GRM5: variants seen among roughly 807,000 people sequenced by gnomAD.
The protein encoded by GRM5 is metabotropic glutamate receptor 5.
A neutral mutation model predicts 83.1 loss-of-function variants in GRM5; 19 were observed. That is an observed-to-expected ratio of 0.23 (90% CI 0.16 to 0.34). The LOEUF is 0.34. Ranked by LOEUF, GRM5 falls within the 10% of genes least tolerant of loss-of-function variation. The probability of loss-of-function intolerance (pLI) is 1.00; values close to 1 mark genes in which losing one functional copy is unlikely to be tolerated. For synonymous variants in GRM5, 675 were observed against 633.6 expected (o/e 1.07, Z -0.98); for missense variants, 1,160 against 1,588.3 (o/e 0.73, Z 4.58).
intron 3 of GRM5, among the ~76,000 whole-genome samples, chr11:88,785,271 T>C (rs115631371): frequency 0.018 from 2,789 of 152,172 alleles, 81 homozygotes; most frequent in African/African-American, 0.062. Flanking sequence ...GAGAACTAAT[T>C]ACATACTTTG....
At chr11:89,060,659 A>G (rs1332532960) in intron 1 of GRM5, among the ~76,000 whole-genome samples, 2 of 152,132 alleles carry the variant, frequency 1.3e-5, no homozygotes, top group Non-Finnish European at 1.5e-5. Flanking sequence ...AAAGTTATAT[A>G]TAGTTAAAAG....
chr11:88,998,247 C>G (rs2135063402), intron 2 of GRM5, among the ~76,000 whole-genome samples: 1 of 152,168 alleles, frequency 6.6e-6, no homozygotes, highest in Non-Finnish European at 1.5e-5. Flanking sequence ...TACACCATGA[C>G]CAAGTGGTGT....
intron 3 of GRM5, among the ~76,000 whole-genome samples, chr11:88,654,462 C>A (rs1262806945): frequency 6.6e-6 from 1 of 151,984 alleles, no homozygotes; most frequent in Non-Finnish European, 1.5e-5. Flanking sequence ...CTGTCTTTCC[C>A]TGGAAGAAGT....
intron 2 of GRM5, among the ~76,000 whole-genome samples, chr11:89,031,081 T>G (rs1565343172): frequency 6.6e-6 from 1 of 151,984 alleles, no homozygotes; most frequent in African/African-American, 2.4e-5. Flanking sequence ...TCTGGATATA[T>G]GGACACATTA....
chr11:88,927,755 T>A (rs1945814706), intron 2 of GRM5, among the ~76,000 whole-genome samples: 1 of 152,124 alleles, frequency 6.6e-6, no homozygotes, highest in Admixed American at 6.6e-5. Flanking sequence ...TTCTATTTTC[T>A]CTTGTTTGTG....
Position 88,815,817 on chromosome 11 carries a change from C to A in GRM5, c.911+34089G>T, listed in dbSNP as rs139176157. ...CCACATACCTGTCATTAGGCCCCACCTCCAACATTGAAATCAAATTTCAAC... is the reference window on the plus strand; with the variant it reads ...CCACATACCTGTCATTAGGCCCCACATCCAACATTGAAATCAAATTTCAAC... On this transcript the variant is annotated intron_variant, in intron 3 of 9. Coordinates refer to ENST00000305447, the MANE Select transcript of GRM5 (RefSeq NM_001143831.3). Among the ~76,000 whole-genome samples, 296 of 152,302 alleles carry A rather than the reference C, an allele frequency of 1.9e-3. 3 individuals are homozygous for A. The highest frequency in any genetic ancestry group is 6.8e-3 in the Middle Eastern group (2 of 294).
rs116778099 is a variant in GRM5, at chr11:88,887,788, C to T, written c.662-37633G>A. On this transcript the variant is annotated intron_variant, in intron 2 of 9. Transcript: ENST00000305447. ...TCTGAAGCACAGGGACTCCTCTTAA[C>T]CAGAGACTTTAAAGAAAAAGCAGCT... Among the ~76,000 whole-genome samples, 510 of 152,238 alleles carry T rather than the reference C, an allele frequency of 3.4e-3. 1 individual carries two copies. Among genetic ancestry groups the T allele is most frequent in the African/African-American group, 0.012 (494 of 41,542 alleles).
intron 2 of GRM5, among the ~76,000 whole-genome samples, chr11:89,035,012 TA>T (rs1941352594): frequency 6.6e-6 from 1 of 151,582 alleles, no homozygotes; most frequent in Non-Finnish European, 1.5e-5. Flanking sequence ...TATAGTTATT[TA>T]CATGTTTTTG....
chr11:88,816,897 A>AT (rs1943701288), intron 3 of GRM5, among the ~76,000 whole-genome samples: 5 of 152,150 alleles, frequency 3.3e-5, no homozygotes, highest in African/African-American at 1.2e-4. Flanking sequence ...TAAATAAAAT[A>AT]GAAAAGTTCC....
At chr11:89,025,285 A>C (rs1941102468) in intron 2 of GRM5, among the ~76,000 whole-genome samples, 1 of 152,220 alleles carries the variant, frequency 6.6e-6, no homozygotes, top group South Asian at 2.1e-4. Context: ...ATAAATTGTA[A>C]GCTCAGTGGC....
intron 3 of GRM5, among the ~76,000 whole-genome samples, chr11:88,831,015 C>T (rs891614784): frequency 6.6e-6 from 1 of 151,852 alleles, no homozygotes; most frequent in Admixed American, 6.6e-5. Context: ...TCAATTACCC[C>T]CCACCGAGGC....
intron 3 of GRM5, among the ~76,000 whole-genome samples, chr11:88,775,227 T>C (rs1942822045): frequency 6.6e-6 from 1 of 152,196 alleles, no homozygotes; most frequent in African/African-American, 2.4e-5. Flanking sequence ...TTTATTTGCA[T>C]AGAGGGGTTT....
intron 4 of GRM5, among the ~76,000 whole-genome samples, chr11:88,638,416 TTTTG>T (rs138412342): frequency 0.12 from 18,932 of 151,936 alleles, 1,514 homozygotes; most frequent in Middle Eastern, 0.18. Flanking sequence ...GGTATAATTG[TTTTG>T]TTTGTTTGTT....
chr11:88,539,912 A>T (rs1218701990), intron 8 of GRM5, among the ~76,000 whole-genome samples: 3 of 152,240 alleles, frequency 2.0e-5, no homozygotes, highest in Admixed American at 6.5e-5. Flanking sequence ...TTAACAAATT[A>T]TAATTAAATA....
chr11:88,942,508 G>C (rs1938147633), intron 2 of GRM5, among the ~76,000 whole-genome samples: 1 of 152,006 alleles, frequency 6.6e-6, no homozygotes, highest in Non-Finnish European at 1.5e-5. Context: ...AGTGGGGACT[G>C]GCTTCCTGCT....
At chr11:88,647,601 T>C (rs1015153164) in intron 4 of GRM5, among the ~76,000 whole-genome samples, 4 of 152,086 alleles carry the variant, frequency 2.6e-5, no homozygotes, top group Non-Finnish European at 5.9e-5. Context: ...GGGCAAGGAC[T>C]TCATGTCCAA....
At chr11:88,999,743 T>C (rs1037759614) in intron 2 of GRM5, among the ~76,000 whole-genome samples, 3 of 152,184 alleles carry the variant, frequency 2.0e-5, no homozygotes, top group African/African-American at 4.8e-5. Flanking sequence ...ACTGGGTATA[T>C]ACCCGAAGGA....
intron 2 of GRM5, among the ~76,000 whole-genome samples, chr11:89,008,169 A>G (rs1465260783): frequency 6.6e-6 from 1 of 152,174 alleles, no homozygotes; most frequent in African/African-American, 2.4e-5. Flanking sequence ...CTTTGGACCA[A>G]AATTTCTTCT....
intron 3 of GRM5, among the ~76,000 whole-genome samples, chr11:88,844,747 G>A (rs1217299922): frequency 6.6e-6 from 1 of 152,164 alleles, no homozygotes; most frequent in African/African-American, 2.4e-5. Flanking sequence ...TGGAAGAAGT[G>A]ATTCCAACCC....
Sources: gnomAD v4.1 joint callset for allele counts (sites outside exome capture counted in the v4.1 genomes callset) on GRCh38, gnomAD v4.1.1 for gene constraint, MANE v1.5 for transcripts, NCBI Gene and HGNC (gene_info 2026-07-23, HGNC 2026-07-21) for gene names.